Variants in FBXO42 observed in about 807,000 individuals in gnomAD.
FBXO42 encodes the protein F-box protein 42, also known as F-box only protein 42.
Under a neutral mutation model 71.7 loss-of-function variants are expected in FBXO42, and 12 were observed. The observed-to-expected ratio is 0.17, with a 90% CI of 0.11 to 0.27. FBXO42 has a LOEUF of 0.27. Among genes scored for constraint, FBXO42 ranks in the 10% least tolerant of loss-of-function variants. The pLI is 1.00. For missense variants in FBXO42, 707 were observed against 911.9 expected, an observed-to-expected ratio of 0.78 and a Z score of 2.89; for synonymous variants, 325 against 327.5, an observed-to-expected ratio of 0.99 and a Z score of 0.08.
chr1:16,257,581 A>G, intron 4 of FBXO42, among the ~76,000 whole-genome samples: 1 of 152,210 alleles, frequency 6.6e-6, no homozygotes, highest in South Asian at 2.1e-4. Context: ...TTGAAATAAC[A>G]ATTGCTATTT....
Position 16,309,426 on chromosome 1 carries a change from A to G in FBXO42, c.251-3507T>C, listed in dbSNP as rs2082289873. Among the ~76,000 whole-genome samples, 2 of 152,156 alleles carry G rather than the reference A, an allele frequency of 1.3e-5. 1 individual carries two copies. The highest frequency in any genetic ancestry group is 3.9e-4 in the East Asian group (2 of 5,182). The stretch of plus-strand genomic sequence containing the variant: ...CCTTTTCCAAAAATGATGCTGAAAT[A>G]AATTAAAATCTACATGCAAGAAAAT... On this transcript the variant is annotated intron_variant, in intron 2 of 9. Transcript: ENST00000375592.
intron 4 of FBXO42, among the ~76,000 whole-genome samples, chr1:16,282,852 G>T (rs977191159): frequency 6.6e-6 from 1 of 152,032 alleles, no homozygotes; most frequent in Non-Finnish European, 1.5e-5. Context: ...GTGGTGGTGG[G>T]TGCCTGTAAT....
At chr1:16,308,471 G>A (rs1392655904) in intron 2 of FBXO42, among the ~76,000 whole-genome samples, 2 of 150,662 alleles carry the variant, frequency 1.3e-5, no homozygotes, top group African/African-American at 2.4e-5. Flanking sequence ...TTCAGCCTGG[G>A]AAACACAGTG....
At chr1:16,298,763 G>A (rs2082158193) in intron 3 of FBXO42, among the ~76,000 whole-genome samples, 1 of 152,032 alleles carries the variant, frequency 6.6e-6, no homozygotes, top group Non-Finnish European at 1.5e-5. Flanking sequence ...GCTCGCCTCG[G>A]CCTCCCAAAG....
intron 4 of FBXO42, among the ~76,000 whole-genome samples, chr1:16,274,027 C>T (rs962682236): frequency 9.9e-5 from 15 of 152,156 alleles, no homozygotes; most frequent in Admixed American, 2.0e-4. Flanking sequence ...CTATCACAGA[C>T]GTCCATTTAC....
chr1:16,319,916 A>G (rs1166759725), intron 1 of FBXO42, among the ~76,000 whole-genome samples: 4 of 151,614 alleles, frequency 2.6e-5, no homozygotes, highest in African/African-American at 9.7e-5. Context: ...ATCTTAAAAA[A>G]AAAAAGAAAA....
intron 1 of FBXO42, among the ~76,000 whole-genome samples, chr1:16,329,162 C>CAAAAA (rs1221377687): frequency 3.3e-5 from 2 of 60,418 alleles, no homozygotes; most frequent in African/African-American, 6.0e-5. Context: ...GACTCTGTCT[C>CAAAAA]AAAAAAAAAA....
chr1:16,319,728 T>C (rs1368702193), intron 1 of FBXO42, among the ~76,000 whole-genome samples: 1 of 151,750 alleles, frequency 6.6e-6, no homozygotes, highest in Non-Finnish European at 1.5e-5. Context: ...CTGGCCAATA[T>C]GGTGAAACTC....
At chr1:16,262,577 T>G (rs2081726020) in intron 4 of FBXO42, among the ~76,000 whole-genome samples, 1 of 152,082 alleles carries the variant, frequency 6.6e-6, no homozygotes, top group Non-Finnish European at 1.5e-5. Flanking sequence ...TGTGGTGGCA[T>G]GTGCCTGTGG....
chr1:16,265,414 T>G (rs972933202), intron 4 of FBXO42, among the ~76,000 whole-genome samples: 6 of 152,198 alleles, frequency 3.9e-5, no homozygotes, highest in African/African-American at 1.4e-4. Flanking sequence ...TATATCTCCA[T>G]GCTATTATCA....
intron 1 of FBXO42, among the ~76,000 whole-genome samples, chr1:16,326,040 G>GTGTGTGTGTGTGTGTGTGTGTGTC (rs766515532): frequency 3.3e-5 from 5 of 150,268 alleles, no homozygotes; most frequent in Non-Finnish European, 5.9e-5. Flanking sequence ...GTGTGTGTGT[G>GTGTGTGTGTGTGTGTGTGTGTGTC]TGTGTGTGTC....
Position 16,305,870 on chromosome 1 carries a change from T to C in FBXO42, c.300A>G (p.Gly100=). 1 of 1,614,146 alleles carries C rather than the reference T, an allele frequency of 6.2e-7. No homozygotes were observed. Among genetic ancestry groups the C allele is most frequent in the Non-Finnish European group, 8.5e-7 (1 of 1,180,020 alleles). Residue 100 remains glycine, a synonymous_variant, in exon 3 of 10, where the codon GGA becomes GGG. Transcript: ENST00000375592. The part of the protein sequence containing the change: ...YHGFMKAVQE[G]NIQWESRTYP... Reference sequence around the variant, plus strand: ...AGGTACGGCTCTCCCACTGAATGTTTCCTTCCTGGACAGCCTTCATGAAAC... The same window carrying C: ...AGGTACGGCTCTCCCACTGAATGTTCCCTTCCTGGACAGCCTTCATGAAAC...
rs1433247216 is a variant in FBXO42 at position 16,253,119 on chromosome 1, C to T, written c.898G>A (p.Gly300Arg). The T allele has an allele frequency of 1.2e-6, 2 of 1,613,504 alleles. No individual in the cohort carries two copies. Reference protein sequence around the residue: ...VIDDATILILGGCGGPNALFK... With the variant: ...VIDDATILILRGCGGPNALFK... ...ACAGCATTGGGACCGCCACACCCTC[C>T]GAGGATTAAGATAGTTGCATCATCT... Residue 300 changes from glycine (G) to arginine (R), a missense_variant, in exon 8 of 10, where the codon GGA becomes AGA. Physicochemically the swap from Gly to Arg is moderately radical, Grantham distance 125. Transcript: ENST00000375592.
intron 1 of FBXO42, among the ~76,000 whole-genome samples, chr1:16,334,459 A>G (rs2082532674): frequency 6.6e-6 from 1 of 151,984 alleles, no homozygotes; most frequent in Middle Eastern, 3.4e-3. Context: ...TTCTACAGAT[A>G]AGACTAATGA....
intron 1 of FBXO42, among the ~76,000 whole-genome samples, chr1:16,339,051 C>T (rs1179864261): frequency 6.6e-6 from 1 of 151,968 alleles, no homozygotes; most frequent in East Asian, 1.9e-4. Context: ...CTCAAGCGAT[C>T]CACCCATCTC....
In FBXO42 at chr1:16,256,743, G is replaced by T. The variant is rs746952518; in HGVS notation, c.519C>A (p.Pro173=). Reference sequence around the variant, plus strand: ...ACACGACCAGAGTTGCTCCAGCTTTGGGGGAAGGATAGGACCCTAGGGAAA... The same window carrying T: ...ACACGACCAGAGTTGCTCCAGCTTTTGGGGAAGGATAGGACCCTAGGGAAA... ...RPLASGSYPS[P]KAGATLVVYK... is the part of the protein sequence containing the mutation. Residue 173 remains proline (P), a synonymous_variant, in exon 5 of 10, where the codon CCC becomes CCA. Transcript: ENST00000375592. The T allele has an allele frequency of 3.1e-6, 5 of 1,614,138 alleles. No individual in the cohort carries two copies. The East Asian group carries it at 8.9e-5, about 29-fold the overall frequency.
intron 2 of FBXO42, 31 bp downstream of exon 2, chr1:16,315,138 A>C: frequency 6.4e-7 from 1 of 1,556,564 alleles, no homozygotes; most frequent in Middle Eastern, 1.7e-4. Context: ...ATTTGAAATC[A>C]ATAAATAAAC....
In FBXO42 at chr1:16,283,459, T is replaced by C. The variant is rs547494309; in HGVS notation, c.502+11324A>G. Among the ~76,000 whole-genome samples the C allele has an allele frequency of 3.3e-5, 5 of 150,966 alleles. No individual in the cohort carries two copies. The South Asian group carries it at 6.3e-4, about 19-fold the overall frequency. ...AATGACAGACTGAGCTTTAAATCTT[T>C]ACCTGGCATTTATAGACTCTTCTAA... On this transcript the variant is annotated intron_variant, in intron 4 of 9. Coordinates refer to ENST00000375592, the MANE Select transcript of FBXO42 (RefSeq NM_018994.3).
chr1:16,290,521 G>A (rs765656237), intron 4 of FBXO42, among the ~76,000 whole-genome samples: 3 of 151,862 alleles, frequency 2.0e-5, no homozygotes, highest in Non-Finnish European at 2.9e-5. Flanking sequence ...GTGAAACTCC[G>A]TCTCTACTAA....
Sources: gnomAD v4.1 joint callset for allele counts (sites outside exome capture counted in the v4.1 genomes callset) on GRCh38, gnomAD v4.1.1 for gene constraint, MANE v1.5 for transcripts, NCBI Gene and HGNC (gene_info 2026-07-23, HGNC 2026-07-21) for gene names.